The following LAMA3 variants were observed in gnomAD, a reference collection of about 807,000 sequenced individuals.
The protein encoded by LAMA3 is laminin subunit alpha-3.
Under a neutral mutation model 402.0 loss-of-function variants are expected in LAMA3, and 281 were observed. That is an observed-to-expected ratio of 0.70 (90% CI 0.63 to 0.77). The LOEUF (loss-of-function observed/expected upper bound fraction) is 0.77. Among genes scored for constraint, LAMA3 ranks in the 30% least tolerant of loss-of-function variants. LAMA3 has a pLI of 0.00. For missense variants in LAMA3, 3,840 were observed against 4,215.5 expected (o/e 0.91, Z 2.47); for synonymous variants, 1,431 against 1,558.4 (o/e 0.92, Z 1.93).
intron 12 of LAMA3, among the ~76,000 whole-genome samples, chr18:23,803,055 T>C (rs2062893888): frequency 6.6e-6 from 1 of 152,218 alleles, no homozygotes; most frequent in Admixed American, 6.5e-5. Flanking sequence ...AAGCGAGTTC[T>C]TTGATCAGAA....
At chr18:23,757,850 C>A (rs113226942) in intron 6 of LAMA3, among the ~76,000 whole-genome samples, 52 of 152,354 alleles carry the variant, frequency 3.4e-4, no homozygotes, top group Non-Finnish European at 6.3e-4. Context: ...TCTGAGTGGT[C>A]TCAGCTTTTG....
chr18:23,867,224 A>T (rs747484821), intron 36 of LAMA3, among the ~76,000 whole-genome samples: 1 of 152,098 alleles, frequency 6.6e-6, no homozygotes, highest in African/African-American at 2.4e-5. Context: ...AGTAATGAAA[A>T]CAGCACTTCC....
At chr18:23,875,717 C>T (rs1029061008) in intron 38 of LAMA3, among the ~76,000 whole-genome samples, 7 of 152,176 alleles carry the variant, frequency 4.6e-5, no homozygotes, top group South Asian at 4.1e-4. Flanking sequence ...GGAGAGAAAA[C>T]GGCTAGCCAA....
In LAMA3 at chr18:23,916,599, T is replaced by C. The variant is rs1264809845; in HGVS notation, c.7827T>C (p.Ala2609=). 1 of 1,614,140 alleles carries C rather than the reference T, an allele frequency of 6.2e-7. No homozygotes were observed. Among genetic ancestry groups the C allele is most frequent in the Non-Finnish European group, 8.5e-7 (1 of 1,179,974 alleles). ...ATTATTTTGAAGGTACGGGCTATGC[T>C]CGAGTTCCAACTCAACCACATGCTC... The part of the protein sequence containing the change: ...DKNYFEGTGY[A]RVPTQPHAPI... The change falls in exon 60 of 75, where the codon GCT becomes GCC. Residue 2609 remains alanine (A), a synonymous_variant. Coordinates refer to ENST00000313654, the MANE Select transcript of LAMA3 (RefSeq NM_198129.4).
Position 23,907,659 on chromosome 18 carries a change from A to T in LAMA3, c.6828A>T (p.Ile2276=). ...LTTLRDGLHG[I]QRGDIDAMIS... ...CTCTCCGAGATGGTCTTCATGGGAT[A>T]CAGAGAGGTCAGCATCTTCCTAATC... Residue 2276 remains isoleucine (I), a synonymous_variant, in exon 53 of 75, where the codon ATA becomes ATT. Coordinates refer to ENST00000313654, the MANE Select transcript of LAMA3 (RefSeq NM_198129.4). 1 of 1,612,304 alleles carries T rather than the reference A, an allele frequency of 6.2e-7. No individual in the cohort carries two copies. The highest frequency in any genetic ancestry group is 1.3e-5 in the African/African-American group (1 of 75,026).
chr18:23,898,488 C>T lies in LAMA3; in HGVS notation c.5614-250C>T, dbSNP rs972189213. The stretch of plus-strand genomic sequence containing the variant: ...CACCCTCATTTCTATAAGGTTAGGT[C>T]ATTAATTCAAGTGAAGTAGCTCTTA... On this transcript the variant is annotated intron_variant, in intron 44 of 74. Coordinates refer to ENST00000313654, the MANE Select transcript of LAMA3 (RefSeq NM_198129.4). 1.3e-5 allele frequency: 7 copies of T among 528,380 alleles called. 1 individual carries two copies. In the South Asian group the frequency reaches 1.6e-4, roughly 12 times the overall value. 32.7% of individuals were successfully genotyped at this position (528,380 alleles called of 1,614,324 possible). A position where few individuals can be genotyped will look rare whatever the true frequency, so the allele number is the denominator to read the frequency against.
At chr18:23,926,434 A>G (rs564384175) in intron 62 of LAMA3, among the ~76,000 whole-genome samples, 2 of 152,246 alleles carry the variant, frequency 1.3e-5, no homozygotes, top group Non-Finnish European at 2.9e-5. Flanking sequence ...AGGAATGGAA[A>G]TGAACCCTCC....
intron 59 of LAMA3, 66 bp downstream of exon 59, chr18:23,915,488 T>C (rs2081580815): frequency 1.4e-6 from 2 of 1,467,634 alleles, no homozygotes; most frequent in East Asian, 2.3e-5. Context: ...TACTTTTACA[T>C]ATGATAAAGG....
chr18:23,843,525 C>T (rs2063750906), intron 29 of LAMA3, among the ~76,000 whole-genome samples: 1 of 152,212 alleles, frequency 6.6e-6, no homozygotes, highest in African/African-American at 2.4e-5. Flanking sequence ...TCCTCACTGA[C>T]CATCCTTCCT....
chr18:23,843,604 C>T (rs1287823079), intron 29 of LAMA3, among the ~76,000 whole-genome samples: 5 of 152,160 alleles, frequency 3.3e-5, no homozygotes, highest in Non-Finnish European at 7.3e-5. Context: ...GTGCCTCCTC[C>T]GCACTCCTGG....
rs903318484 is a variant in LAMA3 at position 23,946,290 on chromosome 18, T to C, written c.9351+6T>C. The C allele has an allele frequency of 1.2e-6, 2 of 1,613,850 alleles. No individual in the cohort carries two copies. Among genetic ancestry groups the C allele is most frequent in the Non-Finnish European group, 8.5e-7 (1 of 1,179,766 alleles). On this transcript the variant is annotated splice_donor_region_variant and intron_variant, in intron 70 of 74. Coordinates refer to ENST00000313654, the MANE Select transcript of LAMA3 (RefSeq NM_198129.4). Reference sequence around the variant, plus strand: ...CTCCATCAGGGAAACCAAAGGTAAATAGTTATGTTCAGAGCCATGGACAGA... The same window carrying C: ...CTCCATCAGGGAAACCAAAGGTAAACAGTTATGTTCAGAGCCATGGACAGA...
At chr18:23,862,789 G>A (rs1306783303) in intron 35 of LAMA3, among the ~76,000 whole-genome samples, 1 of 149,982 alleles carries the variant, frequency 6.7e-6, no homozygotes, top group Admixed American at 6.6e-5. Context: ...TTACTGTCAA[G>A]ATGTCAACCA....
intron 10 of LAMA3, among the ~76,000 whole-genome samples, chr18:23,776,268 G>A (rs1269902648): frequency 6.6e-6 from 1 of 152,112 alleles, no homozygotes; most frequent in Middle Eastern, 3.2e-3. Context: ...TTATCTGCAT[G>A]CATATAGTGT....
intron 8 of LAMA3, among the ~76,000 whole-genome samples, chr18:23,765,736 A>G (rs1054371626): frequency 1.3e-5 from 2 of 152,190 alleles, no homozygotes; most frequent in South Asian, 2.1e-4. Flanking sequence ...GAATGAAAAG[A>G]TAATAAATAT....
chr18:23,845,599 GT>G (rs2063796646), intron 30 of LAMA3, among the ~76,000 whole-genome samples: 1 of 152,190 alleles, frequency 6.6e-6, no homozygotes, highest in Non-Finnish European at 1.5e-5. Flanking sequence ...ATGGCCCTGA[GT>G]ATCAGCTCCT....
intron 14 of LAMA3, among the ~76,000 whole-genome samples, chr18:23,813,849 A>T (rs756146866): frequency 2.6e-5 from 4 of 152,022 alleles, no homozygotes; most frequent in South Asian, 2.1e-4. Context: ...GCCTATTCTG[A>T]ACAATTTTCT....
intron 39 of LAMA3, among the ~76,000 whole-genome samples, chr18:23,881,296 C>T (rs2064887844): frequency 6.6e-6 from 1 of 152,180 alleles, no homozygotes; most frequent in South Asian, 2.1e-4. Flanking sequence ...TTCTTTGGGA[C>T]ACTGGAATTC....
intron 9 of LAMA3, among the ~76,000 whole-genome samples, chr18:23,775,403 C>G (rs1005459916): frequency 3.9e-5 from 6 of 152,214 alleles, no homozygotes; most frequent in Non-Finnish European, 8.8e-5. Flanking sequence ...TTGATGACCA[C>G]TTTGTGGGCA....
chr18:23,734,433 G>C (rs904915568), intron 2 of LAMA3, among the ~76,000 whole-genome samples: 17 of 152,214 alleles, frequency 1.1e-4, no homozygotes, highest in African/African-American at 4.1e-4. Context: ...ATGGGGCATG[G>C]GTGAGATGCA....
Sources: gnomAD v4.1 joint callset for allele counts (sites outside exome capture counted in the v4.1 genomes callset) on GRCh38, gnomAD v4.1.1 for gene constraint, MANE v1.5 for transcripts, NCBI Gene and HGNC (gene_info 2026-07-23, HGNC 2026-07-21) for gene names.